SRRM1: variants seen among roughly 807,000 people sequenced by gnomAD.
The protein encoded by SRRM1 is serine/arginine repetitive matrix protein 1.
SRRM1 carries 19 observed loss-of-function variants against 110.2 expected under a neutral mutation model. The ratio of observed to expected loss-of-function variants is 0.17; its 90% CI spans 0.12 to 0.25. The LOEUF (loss-of-function observed/expected upper bound fraction) is 0.25, where lower values mean the gene tolerates loss of function less well. Among genes scored for constraint, SRRM1 ranks in the 10% least tolerant of loss-of-function variants. SRRM1 has a pLI of 1.00. For missense variants in SRRM1, 918 were observed against 1,145.8 expected (o/e 0.80, Z 2.87); for synonymous variants, 443 against 414.9 (o/e 1.07, Z -0.82).
rs60568839 is a variant in SRRM1 at position 24,652,401 on chromosome 1, CAAAAAAAA to C, written c.726-24_726-17del. The C allele has an allele frequency of 2.8e-6, 3 of 1,085,332 alleles. No individual in the cohort carries two copies. The African/African-American group carries it at 7.0e-5, about 25-fold the overall frequency. The allele number at this position is 1,085,332 out of a possible 1,614,324, so 67.2% of individuals were successfully genotyped here. ...ATTTAGAAGGCTGAGTACAAGAAGG[CAAAAAAAA>C]AAAAAAAAGCTTTTGTTTCCACAGT... On this transcript the variant is annotated intron_variant, in intron 6 of 16. Transcript: ENST00000323848.
At chr1:24,669,659 C>A in intron 14 of SRRM1, 72 bp downstream of exon 14, 1 of 1,169,230 alleles carries the variant, frequency 8.6e-7, no homozygotes, top group Non-Finnish European at 1.2e-6. Context: ...TCCCCCCACC[C>A]CCATATAAAA....
chr1:24,671,678 G>GT, intron 16 of SRRM1, 83 bp downstream of exon 16: 1 of 1,276,206 alleles, frequency 7.8e-7, no homozygotes, highest in East Asian at 2.4e-5. Flanking sequence ...TAGCAAAATT[G>GT]TTTTTTCTAC....
intron 10 of SRRM1, 123 bp from the exon 11 acceptor site, chr1:24,661,187 T>A (rs1001309792): frequency 9.7e-6 from 6 of 620,018 alleles, no homozygotes; most frequent in African/African-American, 7.4e-5. Context: ...TTAAAAAAAA[T>A]ATATAGTAGT....
rs1381442898 is a variant in SRRM1, at chr1:24,652,597, C to G, written c.889C>G (p.Arg297Gly). ...RTRSRSPSHT[R>G]PRRRHRSRSR... is the part of the protein sequence containing the mutation. Reference sequence around the variant, plus strand: ...GCGGTCCCGCTCTCCTTCTCACACTCGACCTAGACGGCGCCATAGATCCCG... The same window carrying G: ...GCGGTCCCGCTCTCCTTCTCACACTGGACCTAGACGGCGCCATAGATCCCG... Residue 297 changes from arginine (R) to glycine (G), a missense_variant, in exon 7 of 17, where the codon CGA becomes GGA. This residue lies in a region of SRRM1 where 456 missense variants were observed against 453.5 expected (regional missense o/e 1.01). Coordinates refer to ENST00000323848, the MANE Select transcript of SRRM1 (RefSeq NM_005839.4). 1.2e-6 allele frequency: 2 copies of G among 1,609,052 alleles called. No homozygotes were observed. Among genetic ancestry groups the G allele is most frequent in the South Asian group, 1.1e-5 (1 of 89,980 alleles).
Position 24,655,012 on chromosome 1 carries a change from A to C in SRRM1, c.1198A>C (p.Arg400=), listed in dbSNP as rs1370228410. 30 of 1,614,108 alleles carry C rather than the reference A, an allele frequency of 1.9e-5. No homozygotes were observed. Among genetic ancestry groups the C allele is most frequent in the Non-Finnish European group, 2.5e-5 (29 of 1,180,046 alleles). ...AGCAAGTCCTCCAAGGCGAAGGCAC[A>C]GGCCATCACCTCCTGCAACTCCACC... The part of the protein sequence containing the change: ...PSASPPRRRH[R]PSPPATPPPK... Residue 400 remains arginine (R), a synonymous_variant, in exon 9 of 17, where the codon AGG becomes CGG. Transcript: ENST00000323848.
intron 6 of SRRM1, 67 bp downstream of exon 6, chr1:24,651,679 A>G (rs1660744523): frequency 1.7e-6 from 2 of 1,191,448 alleles, no homozygotes; most frequent in Non-Finnish European, 2.4e-6. Context: ...CAAATATGAC[A>G]TCTGAGTTAA....
Position 24,654,940 on chromosome 1 carries a change from A to G in SRRM1, c.1126A>G (p.Lys376Glu). ...RSRSPPKKPP[K>E]RTSSPPRKTR... ...ACGGTCACCACCAAAGAAGCCTCCCAAGAGGACATCCAGCCCCCCTCGGAA... is the reference window on the plus strand; with the variant it reads ...ACGGTCACCACCAAAGAAGCCTCCCGAGAGGACATCCAGCCCCCCTCGGAA... Residue 376 changes from lysine (K) to glutamate (E), a missense_variant, in exon 9 of 17, where the codon AAG becomes GAG. Transcript: ENST00000323848. 5 of 1,614,206 alleles carry G rather than the reference A, an allele frequency of 3.1e-6. No homozygotes were observed. The East Asian group carries it at 8.9e-5, about 29-fold the overall frequency.
Position 24,649,019 on chromosome 1 carries a change from A to G in SRRM1, c.395A>G (p.Lys132Arg), listed in dbSNP as rs749712299. The stretch of plus-strand genomic sequence containing the variant: ...CTAGAACTGAAGAAAGAAGAAATAA[A>G]ACAAAGACAGGTAATAACCTTTTCT... ...AFLELKKEEIKQRQIEQEKLA... is the reference protein window; with the variant it reads ...AFLELKKEEIRQRQIEQEKLA... The change falls in exon 4 of 17, where the codon AAA (lysine) becomes AGA (arginine). Residue 132 changes from lysine (K) to arginine (R), a missense_variant. This residue lies in a region of SRRM1 where 456 missense variants were observed against 453.5 expected (regional missense o/e 1.01). Transcript: ENST00000323848. The G allele has an allele frequency of 6.2e-7, 1 of 1,611,400 alleles. No homozygotes were observed. The highest frequency in any genetic ancestry group is 8.5e-7 in the Non-Finnish European group (1 of 1,179,418).
rs1004841295 is a variant in SRRM1 at position 24,643,409 on chromosome 1, G to A, written c.21+62G>A. On this transcript the variant is annotated intron_variant, in intron 1 of 16. Coordinates refer to ENST00000323848, the MANE Select transcript of SRRM1 (RefSeq NM_005839.4). ...GACTTCTCGGTAAGGCCTGGTAGGA[G>A]ACCTTAGCTTGGCACAGGGTGGCCA... is the stretch of plus-strand genomic sequence containing the variant. 4.8e-6 allele frequency: 7 copies of A among 1,469,440 alleles called. No individual in the cohort carries two copies. The African/African-American group carries it at 7.5e-5, about 16-fold the overall frequency. The allele number at this position is 1,469,440 out of a possible 1,614,324, so 91.0% of individuals were successfully genotyped here.
chr1:24,649,882 A>G (rs2148280670), intron 4 of SRRM1, 89 bp from the exon 5 acceptor site: 1 of 1,147,426 alleles, frequency 8.7e-7, no homozygotes, highest in African/African-American at 1.6e-5. Flanking sequence ...AAATGATAAT[A>G]GCATTGGTGT....
At chr1:24,661,493 G>A (rs749886522) in intron 11 of SRRM1, 97 bp downstream of exon 11, 1 of 823,388 alleles carries the variant, frequency 1.2e-6, no homozygotes, top group Non-Finnish European at 1.9e-6. Context: ...GTACTTACTT[G>A]CCTACATAGA....
At chr1:24,663,478 G>A (rs1437397020) in intron 12 of SRRM1, among the ~76,000 whole-genome samples, 1 of 152,070 alleles carries the variant, frequency 6.6e-6, no homozygotes, top group Non-Finnish European at 1.5e-5. Context: ...GCTCTTTTGT[G>A]ATAATTTGCA....
chr1:24,654,070 GGTCA>G (rs1407141668), intron 8 of SRRM1, among the ~76,000 whole-genome samples: 2 of 152,130 alleles, frequency 1.3e-5, no homozygotes, highest in Non-Finnish European at 2.9e-5. Context: ...TGAGGTAAAT[GGTCA>G]GTCAATTTTC....
chr1:24,662,783 G>A lies in SRRM1; in HGVS notation c.1607G>A (p.Arg536His), dbSNP rs144996840. ...AGTGCTTCTCCATCACCACGAAAGC[G>A]CCAAAAAGAGACTTCCCCTCGGTAA... ...SRSASPSPRK[R>H]QKETSPRGRR... The change falls in exon 12 of 17, where the codon CGC (arginine) becomes CAC (histidine). Residue 536 changes from arginine to histidine, a missense_variant. By Grantham distance (29) the Arg-to-His change is conservative. Around this residue, in one of 5 missense-constraint regions of SRRM1, gnomAD observed 357 missense variants for 402.9 expected, o/e 0.89. Transcript: ENST00000323848. 2.9e-5 allele frequency: 47 copies of A among 1,613,928 alleles called. No homozygotes were observed. Among genetic ancestry groups the A allele is most frequent in the African/African-American group, 4.0e-5 (3 of 74,904 alleles).
At chr1:24,661,635 A>G (rs564820901) in intron 11 of SRRM1, among the ~76,000 whole-genome samples, 1 of 152,370 alleles carries the variant, frequency 6.6e-6, no homozygotes, top group East Asian at 1.9e-4. Context: ...ACAGAAGTAT[A>G]AAATTGGAAA....
At chr1:24,670,420 T>G in intron 15 of SRRM1, 105 bp downstream of exon 15, 1 of 1,218,230 alleles carries the variant, frequency 8.2e-7, no homozygotes, top group Admixed American at 3.0e-5. Flanking sequence ...GTTTAAACTT[T>G]TTTTCCCATT....
At chr1:24,647,928 T>C (rs1441238323) in intron 3 of SRRM1, 1 of 152,240 alleles carries the variant, frequency 6.6e-6, no homozygotes, top group African/African-American at 2.4e-5. Flanking sequence ...GTATTCCCCT[T>C]GTAGTGAGCA....
chr1:24,654,817 AGT>A (rs1169866200), intron 8 of SRRM1, 36 bp from the exon 9 acceptor site: 1 of 1,611,184 alleles, frequency 6.2e-7, no homozygotes, highest in Admixed American at 1.7e-5. Context: ...GTTCTTTATA[AGT>A]GTGCAATTAG....
chr1:24,644,232 C>T (rs1336613969), intron 1 of SRRM1, among the ~76,000 whole-genome samples: 1 of 152,156 alleles, frequency 6.6e-6, no homozygotes, highest in Non-Finnish European at 1.5e-5. Flanking sequence ...TTATCAGGCT[C>T]GTGCTGGAGC....
Sources: allele counts gnomAD v4.1 joint callset (sites outside exome capture counted in the v4.1 genomes callset), GRCh38; gene constraint gnomAD v4.1.1; regional missense constraint gnomAD v4.1.1; transcripts MANE v1.5; gene names NCBI Gene and HGNC (gene_info 2026-07-23, HGNC 2026-07-21).